CHD9NB: variants seen among roughly 807,000 people sequenced by gnomAD.
CHD9NB encodes the protein CHD9 neighbor protein.
At chr16:53,036,435 A>G in the CHD9NB span, among the ~76,000 whole-genome samples, 1 of 152,072 alleles carries the variant, frequency 6.6e-6, no homozygotes, top group Non-Finnish European at 1.5e-5. Context: ...TGCCCTTTAC[A>G]TGTTGGTTTT....
At chr16:53,052,188 G>A in the CHD9NB span, among the ~76,000 whole-genome samples, 8 of 140,422 alleles carry the variant, frequency 5.7e-5, no homozygotes, top group Non-Finnish European at 1.1e-4. Context: ...AGACCAGCCT[G>A]AGCAACATAA....
chr16:53,041,044 A>C, the CHD9NB span, among the ~76,000 whole-genome samples: 107 of 152,240 alleles, frequency 7.0e-4, 1 homozygote, highest in African/African-American at 2.4e-3. Flanking sequence ...AGAAAGATGG[A>C]AGGACTGAAG....
chr16:53,050,217 G>C, the CHD9NB span, among the ~76,000 whole-genome samples: 9 of 152,056 alleles, frequency 5.9e-5, no homozygotes, highest in South Asian at 1.9e-3. Context: ...AATAATAACT[G>C]CTTCCTGGGC....
chr16:53,050,589 C>T, the CHD9NB span, among the ~76,000 whole-genome samples: 1 of 152,200 alleles, frequency 6.6e-6, no homozygotes, highest in East Asian at 1.9e-4. Flanking sequence ...TGCTATTACA[C>T]TTCATAACAC....
chr16:53,037,977 T>C, the CHD9NB span, among the ~76,000 whole-genome samples: 2 of 152,210 alleles, frequency 1.3e-5, no homozygotes, highest in Non-Finnish European at 2.9e-5. Flanking sequence ...AGAAGTCCCA[T>C]GTTATGCCAT....
the CHD9NB span, among the ~76,000 whole-genome samples, chr16:53,040,695 A>G: frequency 2.1e-4 from 32 of 152,340 alleles, no homozygotes; most frequent in Non-Finnish European, 4.4e-4. Context: ...TGAATTAATA[A>G]ATGAATACAG....
At chr16:53,044,938 T>C in the CHD9NB span, among the ~76,000 whole-genome samples, 142 of 152,282 alleles carry the variant, frequency 9.3e-4, 2 homozygotes, top group African/African-American at 3.3e-3. Context: ...CTTTCTTATT[T>C]TTTTTTACTT....
the CHD9NB span, among the ~76,000 whole-genome samples, chr16:53,039,052 G>T: frequency 6.6e-6 from 1 of 151,766 alleles, no homozygotes; most frequent in South Asian, 2.1e-4. Context: ...CTTCTAATTG[G>T]TATTCATGCT....
chr16:53,041,716 C>T, the CHD9NB span, among the ~76,000 whole-genome samples: 1 of 151,914 alleles, frequency 6.6e-6, no homozygotes, highest in Non-Finnish European at 1.5e-5. Flanking sequence ...TCTCACCATG[C>T]ACAGTCCTGT....
the CHD9NB span, chr16:53,042,879 G>C: frequency 6.6e-6 from 1 of 152,340 alleles, no homozygotes; most frequent in East Asian, 1.9e-4. Flanking sequence ...ACTCAGGCAA[G>C]TGACTTTATT....
At chr16:53,044,187 C>T in the CHD9NB span, 3 of 398,546 alleles carry the variant, frequency 7.5e-6, no homozygotes, top group Non-Finnish European at 1.3e-5. Context: ...ATCCAGTGCC[C>T]TTGGATGTTC....
the CHD9NB span, chr16:53,044,178 T>C: frequency 1.2e-3 from 490 of 398,698 alleles, 2 homozygotes; most frequent in African/African-American, 9.5e-3. Context: ...ACACAGAGGA[T>C]CCAGTGCCCT....
chr16:53,052,228 T>C, the CHD9NB span, among the ~76,000 whole-genome samples: 1 of 130,574 alleles, frequency 7.7e-6, no homozygotes, highest in Non-Finnish European at 1.6e-5. Context: ...ACCCCATCTC[T>C]TAAAAAAAAA....
At chr16:53,038,394 C>G in the CHD9NB span, among the ~76,000 whole-genome samples, 1 of 152,214 alleles carries the variant, frequency 6.6e-6, no homozygotes, top group Non-Finnish European at 1.5e-5. Flanking sequence ...GTCACCTAGG[C>G]TGGAATGCAG....
chr16:53,036,768 A>T, the CHD9NB span, among the ~76,000 whole-genome samples: 1 of 152,150 alleles, frequency 6.6e-6, no homozygotes, highest in Non-Finnish European at 1.5e-5. Context: ...GCTAATCACT[A>T]ATCAATGTTA....
the CHD9NB span, among the ~76,000 whole-genome samples, chr16:53,039,329 C>T: frequency 1.3e-5 from 2 of 152,198 alleles, no homozygotes; most frequent in South Asian, 4.1e-4. Flanking sequence ...CTGCTCCACT[C>T]TGCTCTGTGG....
chr16:53,047,478 C>A, the CHD9NB span, among the ~76,000 whole-genome samples: 1 of 152,188 alleles, frequency 6.6e-6, no homozygotes, highest in Non-Finnish European at 1.5e-5. Context: ...CTGGTGTGGG[C>A]TCCCTTCCTG....
the CHD9NB span, among the ~76,000 whole-genome samples, chr16:53,051,768 A>AATATAAAT: frequency 9.6e-6 from 1 of 104,644 alleles, no homozygotes; most frequent in Non-Finnish European, 1.7e-5. Context: ...TAAAAGTATA[A>AATATAAAT]ATATATATAT....
chr16:53,041,483 A>G, the CHD9NB span, among the ~76,000 whole-genome samples: 1 of 152,230 alleles, frequency 6.6e-6, no homozygotes, highest in African/African-American at 2.4e-5. Context: ...GAGAACTTGA[A>G]TTTAATTAAA....
Sources: allele counts gnomAD v4.1 joint callset (sites outside exome capture counted in the v4.1 genomes callset), GRCh38; gene constraint gnomAD v4.1.1; transcripts MANE v1.5; gene names NCBI Gene and HGNC (gene_info 2026-07-23, HGNC 2026-07-21).